ZFAND5: variants seen among roughly 807,000 people sequenced by gnomAD.
The protein encoded by ZFAND5 is zinc finger AN1-type containing 5.
ZFAND5 carries 4 observed loss-of-function variants against 23.6 expected under a neutral mutation model. The ratio of observed to expected loss-of-function variants is 0.17; its 90% confidence interval spans 0.08 to 0.39. The LOEUF is 0.39. ZFAND5 is among the 10% of genes least tolerant of loss of function. The pLI is 1.00. For missense variants in ZFAND5, 161 were observed against 253.7 expected, an observed-to-expected ratio of 0.63 and a Z score of 2.48; for synonymous variants, 68 against 80.6, an observed-to-expected ratio of 0.84 and a Z score of 0.84.
intron 1 of ZFAND5, 158 bp from the exon 2 acceptor site, chr9:72,363,764 G>A: frequency 6.1e-6 from 3 of 491,422 alleles, no homozygotes; most frequent in Non-Finnish European, 7.9e-6. Flanking sequence ...TAAAAATAAG[G>A]AATAAAATAC....
chr9:72,356,499 T>C (rs1299131010), intron 6 of ZFAND5, among the ~76,000 whole-genome samples: 1 of 152,060 alleles, frequency 6.6e-6, no homozygotes, highest in Non-Finnish European at 1.5e-5. Context: ...GGCTCTGGAG[T>C]TAGGCTAAGC....
rs368130336 is a variant in ZFAND5 at position 72,357,012 on chromosome 9, G to C, written c.412C>G (p.Gln138Glu). The C allele has an allele frequency of 1.2e-6, 2 of 1,613,628 alleles. No individual in the cohort carries two copies. The highest frequency in any genetic ancestry group is 2.7e-5 in the African/African-American group (2 of 74,874). Residue 138 changes from glutamine to glutamate, a missense_variant, in exon 6 of 7, where the codon CAG (glutamine) becomes GAG (glutamate). Gln to Glu is a conservative substitution (Grantham distance 29). Transcript: ENST00000376962. ...AATTCAGGAGCTTTTTCTTCACTCT[G>C]AGAAGTACTGGGCTGAGAAACTGAT... The part of the protein sequence containing the change: ...SPSVSQPSTS[Q>E]SEEKAPELPK...
At chr9:72,364,564 C>G (rs1432963052) in intron 1 of ZFAND5, 132 bp downstream of exon 1, 4 of 1,265,634 alleles carry the variant, frequency 3.2e-6, no homozygotes, top group Non-Finnish European at 3.1e-6. Context: ...GGCGGGCTCC[C>G]CTCCCCCGGA....
At position 72,364,685 on chromosome 9, in the gene ZFAND5, G is replaced by GT. The variant is rs879915933; in HGVS notation, c.-147+10dup. 3.4e-3 allele frequency: 3,558 copies of GT among 1,039,842 alleles called. 12 individuals are homozygous for GT. The highest frequency in any genetic ancestry group is 0.01 in the Middle Eastern group (24 of 2,304). 64.4% of individuals were successfully genotyped at this position (1,039,842 alleles called of 1,614,324 possible). A position where few individuals can be genotyped will look rare whatever the true frequency, so the allele number is the denominator to read the frequency against. ...GAGCCCGGCTCCCACCCGCAGCCCC[G>GT]TATCACTCACCCTGCAGGGTCCCAA... On this transcript the variant is annotated intron_variant, in intron 1 of 6. Coordinates refer to ENST00000376962, the MANE Select transcript of ZFAND5 (RefSeq NM_001102420.3).
In ZFAND5 at chr9:72,352,616, C is replaced by T. The variant is rs144445014; in HGVS notation, c.*3337G>A. 8 of 152,290 alleles carry T rather than the reference C, an allele frequency of 5.3e-5. No individual in the cohort carries two copies. Among genetic ancestry groups the T allele is most frequent in the African/African-American group, 1.4e-4 (6 of 41,554 alleles). The allele number at this position is 152,290 out of a possible 1,614,324, so 9.4% of individuals were successfully genotyped here. On this transcript the variant is annotated 3_prime_UTR_variant, in exon 7 of 7. Transcript: ENST00000376962. ...TAGCAACTTTATTTAATGCAGATCTCTTGCAAAGAAAGCCTTACGGAAAAG... is the reference window on the plus strand; with the variant it reads ...TAGCAACTTTATTTAATGCAGATCTTTTGCAAAGAAAGCCTTACGGAAAAG...
intron 5 of ZFAND5, 84 bp from the exon 6 acceptor site, chr9:72,357,140 G>A (rs1841966530): frequency 1.3e-6 from 2 of 1,491,948 alleles, no homozygotes; most frequent in Non-Finnish European, 1.8e-6. Context: ...AAGAGAAACA[G>A]GAAGATGCCT....
intron 2 of ZFAND5, among the ~76,000 whole-genome samples, chr9:72,362,773 G>T (rs1842142230): frequency 6.6e-6 from 1 of 152,088 alleles, no homozygotes; most frequent in Non-Finnish European, 1.5e-5. Context: ...CATGTGCACA[G>T]CTTGCTTTAA....
At chr9:72,363,646 T>TG (rs1842165499) in intron 1 of ZFAND5, 40 bp from the exon 2 acceptor site, 2 of 984,134 alleles carry the variant, frequency 2.0e-6, no homozygotes, top group South Asian at 4.7e-5. Flanking sequence ...AAAGAATCCT[T>TG]AATTTTTTAG....
Position 72,354,277 on chromosome 9 carries a change from A to AGGTATC in ZFAND5, c.*1675_*1676insGATACC, listed in dbSNP as rs1278791891. Reference sequence around the variant, plus strand: ...CCCAAAGGTGCCTATTGAATTCTTCAAAAATAAACTGCCTATCAGGTATCA... The same window carrying AGGTATC: ...CCCAAAGGTGCCTATTGAATTCTTCAGGTATCAAAATAAACTGCCTATCAGGTATCA... On this transcript the variant is annotated 3_prime_UTR_variant, in exon 7 of 7. Coordinates refer to ENST00000376962, the MANE Select transcript of ZFAND5 (RefSeq NM_001102420.3). 7.2e-5 allele frequency: 11 copies of AGGTATC among 152,276 alleles called. No homozygotes were observed. The highest frequency in any genetic ancestry group is 2.7e-4 in the African/African-American group (11 of 41,466). 9.4% of individuals were successfully genotyped at this position (152,276 alleles called of 1,614,324 possible). A position where few individuals can be genotyped will look rare whatever the true frequency, so the allele number is the denominator to read the frequency against.
At chr9:72,364,490 G>A (rs1026668221) in intron 1 of ZFAND5, 1 of 1,281,826 alleles carries the variant, frequency 7.8e-7, no homozygotes, top group Non-Finnish European at 1.0e-6. Flanking sequence ...AGGGACGCCG[G>A]GAGCCAGGTC....
intron 2 of ZFAND5, among the ~76,000 whole-genome samples, chr9:72,361,417 G>A (rs530109909): frequency 9.2e-5 from 14 of 152,114 alleles, no homozygotes; most frequent in Non-Finnish European, 1.8e-4. Flanking sequence ...GCTGGTTTAC[G>A]AAACTCCTTT....
In ZFAND5 at chr9:72,353,078, C is replaced by T. The variant is rs966358665; in HGVS notation, c.*2875G>A. Reference sequence around the variant, plus strand: ...GATGAGGTTTTCAAAAAGGACTCACCCATTTATACTGCGAATTCATGTGGT... The same window carrying T: ...GATGAGGTTTTCAAAAAGGACTCACTCATTTATACTGCGAATTCATGTGGT... On this transcript the variant is annotated 3_prime_UTR_variant, in exon 7 of 7. Coordinates refer to ENST00000376962, the MANE Select transcript of ZFAND5 (RefSeq NM_001102420.3). 7 of 152,202 alleles carry T rather than the reference C, an allele frequency of 4.6e-5. No individual in the cohort carries two copies. Among genetic ancestry groups the T allele is most frequent in the African/African-American group, 1.4e-4 (6 of 41,456 alleles). The allele number at this position is 152,202 out of a possible 1,614,324, so 9.4% of individuals were successfully genotyped here.
chr9:72,360,601 ATG>A (rs1251031127), intron 3 of ZFAND5, 25 bp downstream of exon 3: 1 of 1,612,362 alleles, frequency 6.2e-7, no homozygotes, highest in African/African-American at 1.3e-5. Flanking sequence ...GTTCTTTCAA[ATG>A]TGTTTTTCCT....
Position 72,355,665 on chromosome 9 carries a change from G to T in ZFAND5, c.*288C>A. On this transcript the variant is annotated 3_prime_UTR_variant, in exon 7 of 7. Transcript: ENST00000376962. The stretch of plus-strand genomic sequence containing the variant: ...GCAGAGATTTCATTTATTTTGTTTG[G>T]CACATGGGAACTACATTTTGTTCCT... The T allele has an allele frequency of 4.5e-6, 1 of 220,556 alleles. No individual in the cohort carries two copies. The allele number at this position is 220,556 out of a possible 1,614,324, so 13.7% of individuals were successfully genotyped here.
In ZFAND5 at chr9:72,351,424, A is replaced by T. The variant is rs1337191744; in HGVS notation, c.*4529T>A. 2.6e-5 allele frequency: 4 copies of T among 152,224 alleles called. No homozygotes were observed. Among genetic ancestry groups the T allele is most frequent in the East Asian group, 3.8e-4 (2 of 5,196 alleles). The allele number at this position is 152,224 out of a possible 1,614,324, so 9.4% of individuals were successfully genotyped here. ...GAGTCTTACATTTATGGCACAAAAC[A>T]AAACAAAAAAAGTCTTACATTTATT... On this transcript the variant is annotated 3_prime_UTR_variant, in exon 7 of 7. Transcript: ENST00000376962.
Position 72,356,992 on chromosome 9 carries a change from A to G in ZFAND5, c.432T>C (p.Pro144=). The G allele has an allele frequency of 6.2e-7, 1 of 1,613,742 alleles. No homozygotes were observed. Among genetic ancestry groups the G allele is most frequent in the Admixed American group, 1.7e-5 (1 of 60,000 alleles). ...PSTSQSEEKA[P]ELPKPKKNRC... ...TGTTTTTCTTTGGTTTGGGCAATTCAGGAGCTTTTTCTTCACTCTGAGAAG... is the reference window on the plus strand; with the variant it reads ...TGTTTTTCTTTGGTTTGGGCAATTCGGGAGCTTTTTCTTCACTCTGAGAAG... Residue 144 remains proline, a synonymous_variant, in exon 6 of 7, where the codon CCT becomes CCC. Transcript: ENST00000376962.
At chr9:72,364,536 G>T in intron 1 of ZFAND5, 160 bp downstream of exon 1, 1 of 1,278,844 alleles carries the variant, frequency 7.8e-7, no homozygotes, top group Non-Finnish European at 1.0e-6. Flanking sequence ...CTCCGTCTTT[G>T]TGCTTCCTGG....
chr9:72,357,017 G>T lies in ZFAND5; in HGVS notation c.407C>A (p.Thr136Asn). Residue 136 changes from threonine to asparagine, a missense_variant, in exon 6 of 7, where the codon ACT becomes AAT. This residue lies in a region of ZFAND5 where 116 missense variants were observed against 115.2 expected (regional missense o/e 1.01). Coordinates refer to ENST00000376962, the MANE Select transcript of ZFAND5 (RefSeq NM_001102420.3). ...QPSPSVSQPSTSQSEEKAPEL... is the reference protein window; with the variant it reads ...QPSPSVSQPSNSQSEEKAPEL... ...AGGAGCTTTTTCTTCACTCTGAGAA[G>T]TACTGGGCTGAGAAACTGATGGACT... 1 of 1,613,668 alleles carries T rather than the reference G, an allele frequency of 6.2e-7. No homozygotes were observed. The highest frequency in any genetic ancestry group is 1.3e-5 in the African/African-American group (1 of 74,988).
rs1417612832 is a variant in ZFAND5, at chr9:72,353,371, A to AC, written c.*2581_*2582insG. 6.6e-6 allele frequency: 1 copy of AC among 152,098 alleles called. No homozygotes were observed. The highest frequency in any genetic ancestry group is 2.4e-5 in the African/African-American group (1 of 41,386). The allele number at this position is 152,098 out of a possible 1,614,324, so 9.4% of individuals were successfully genotyped here. ...TGTTTCTTGTAAAACAAACAAACAA[A>AC]AAAAAAACAAAAAAAACTGATTGGC... On this transcript the variant is annotated 3_prime_UTR_variant, in exon 7 of 7. Coordinates refer to ENST00000376962, the MANE Select transcript of ZFAND5 (RefSeq NM_001102420.3).
Sources: allele counts gnomAD v4.1 joint callset (sites outside exome capture counted in the v4.1 genomes callset), GRCh38; gene constraint gnomAD v4.1.1; regional missense constraint gnomAD v4.1.1; transcripts MANE v1.5; gene names NCBI Gene and HGNC (gene_info 2026-07-23, HGNC 2026-07-21).